The following BMAL1 variants were observed in gnomAD, a reference collection of about 807,000 sequenced individuals.
The protein encoded by BMAL1 is basic helix-loop-helix ARNT-like protein 1.
the BMAL1 span, among the ~76,000 whole-genome samples, chr11:13,302,708 G>A: frequency 5.3e-5 from 8 of 152,102 alleles, no homozygotes; most frequent in Admixed American, 1.3e-4. Context: ...GTGATCTCTC[G>A]TCATCTGGGT....
chr11:13,332,169 C>T, the BMAL1 span, among the ~76,000 whole-genome samples: 1 of 152,156 alleles, frequency 6.6e-6, no homozygotes, highest in African/African-American at 2.4e-5. Context: ...TGGGCAGATC[C>T]AGCAGCTGGG....
chr11:13,380,490 A>C, the BMAL1 span: 1 of 152,234 alleles, frequency 6.6e-6, no homozygotes, highest in African/African-American at 2.4e-5. Flanking sequence ...ACAAGTATTT[A>C]GGTGGATTTA....
chr11:13,386,495 A>G, the BMAL1 span: 2 of 1,257,384 alleles, frequency 1.6e-6, no homozygotes, highest in Admixed American at 5.1e-5. Flanking sequence ...CCCTACCATT[A>G]AATGTAACTT....
chr11:13,312,774 C>T, the BMAL1 span, among the ~76,000 whole-genome samples: 3 of 152,282 alleles, frequency 2.0e-5, no homozygotes, highest in African/African-American at 7.2e-5. Flanking sequence ...ATGTTATGTA[C>T]TCACTAATTA....
At chr11:13,386,445 T>TA in the BMAL1 span, 1 of 786,550 alleles carries the variant, frequency 1.3e-6, no homozygotes. Flanking sequence ...AACAGCGATA[T>TA]AAAAAAAGAT....
chr11:13,300,876 G>T, the BMAL1 span, among the ~76,000 whole-genome samples: 1 of 152,184 alleles, frequency 6.6e-6, no homozygotes, highest in South Asian at 2.1e-4. Flanking sequence ...CTTTGAGCCT[G>T]AGGTATGTGT....
At chr11:13,360,491 G>A in the BMAL1 span, 1 of 1,452,192 alleles carries the variant, frequency 6.9e-7, no homozygotes, top group African/African-American at 1.4e-5. Context: ...GTACCAGCAT[G>A]TGGGAATTTG....
chr11:13,343,315 G>A, the BMAL1 span, among the ~76,000 whole-genome samples: 1 of 152,308 alleles, frequency 6.6e-6, no homozygotes, highest in Non-Finnish European at 1.5e-5. Context: ...TTTTCAGATG[G>A]TTCGTGGATA....
chr11:13,315,381 A>G, the BMAL1 span, among the ~76,000 whole-genome samples: 2 of 152,182 alleles, frequency 1.3e-5, no homozygotes, highest in Non-Finnish European at 1.5e-5. Context: ...CACCATTCCC[A>G]TGCCAGCATC....
chr11:13,344,762 C>G, the BMAL1 span, among the ~76,000 whole-genome samples: 2 of 152,190 alleles, frequency 1.3e-5, no homozygotes, highest in Admixed American at 6.5e-5. Context: ...AGAGGCACCA[C>G]CCTCTGAACA....
At chr11:13,360,368 G>T in the BMAL1 span, 1 of 1,613,758 alleles carries the variant, frequency 6.2e-7, no homozygotes, top group Non-Finnish European at 8.5e-7. Flanking sequence ...ATACACAGAA[G>T]CAAACTACAA....
At chr11:13,372,459 C>A in the BMAL1 span, 1 of 1,599,378 alleles carries the variant, frequency 6.3e-7, no homozygotes, top group Non-Finnish European at 8.5e-7. Context: ...GGATTTTCAA[C>A]CCTGATCTAA....
chr11:13,345,647 G>A, the BMAL1 span, among the ~76,000 whole-genome samples: 10 of 152,226 alleles, frequency 6.6e-5, no homozygotes, highest in Admixed American at 3.9e-4. Context: ...CAGTAAAGCT[G>A]GACACACCTG....
chr11:13,290,758 T>C, the BMAL1 span, among the ~76,000 whole-genome samples: 1 of 152,064 alleles, frequency 6.6e-6, no homozygotes. Context: ...AGCTGATACA[T>C]ACTAAGTGTA....
chr11:13,299,282 A>G, the BMAL1 span, among the ~76,000 whole-genome samples: 1 of 152,284 alleles, frequency 6.6e-6, no homozygotes, highest in East Asian at 1.9e-4. Context: ...TTGGCTACTC[A>G]GGCTTTGAGA....
the BMAL1 span, among the ~76,000 whole-genome samples, chr11:13,286,185 C>T: frequency 6.6e-6 from 1 of 152,222 alleles, no homozygotes; most frequent in Non-Finnish European, 1.5e-5. Context: ...GTCAAGCCTT[C>T]TGCTGGTAGA....
chr11:13,284,184 ATATATATATGTG>A, the BMAL1 span, among the ~76,000 whole-genome samples: 4 of 72,596 alleles, frequency 5.5e-5, no homozygotes, highest in African/African-American at 2.0e-4. Flanking sequence ...ATATGTGTAT[ATATATATATGTG>A]TGTATATATA....
chr11:13,385,879 C>A, the BMAL1 span: 1 of 970,572 alleles, frequency 1.0e-6, no homozygotes, highest in Non-Finnish European at 1.6e-6. Context: ...CTGTGTGAAA[C>A]AAGCTAATCC....
the BMAL1 span, among the ~76,000 whole-genome samples, chr11:13,295,295 T>C: frequency 6.6e-6 from 1 of 151,462 alleles, no homozygotes; most frequent in South Asian, 2.1e-4. Flanking sequence ...AGTTTCATTC[T>C]AGTGGTAGAG....
Sources: gnomAD v4.1 joint callset for allele counts (sites outside exome capture counted in the v4.1 genomes callset) on GRCh38, gnomAD v4.1.1 for gene constraint, MANE v1.5 for transcripts, NCBI Gene and HGNC (gene_info 2026-07-23, HGNC 2026-07-21) for gene names.